Variants in FBXO25 observed in about 807,000 individuals in gnomAD.
The protein encoded by FBXO25 is F-box protein 25, also known as F-box only protein 25.
Under a neutral mutation model 51.9 loss-of-function variants are expected in FBXO25, and 45 were observed. The observed-to-expected ratio is 0.87, with a 90% CI of 0.68 to 1.11. The LOEUF is 1.11. Ranked by LOEUF, FBXO25 falls within the 50% of genes most tolerant of loss-of-function variation. FBXO25 has a pLI of 0.00. For missense variants in FBXO25, 507 were observed against 428.5 expected (o/e 1.18, Z -1.62); for synonymous variants, 199 against 151.0 (o/e 1.32, Z -2.33).
intron 8 of FBXO25, among the ~76,000 whole-genome samples, chr8:460,396 A>G (rs1799732624): frequency 6.6e-6 from 1 of 152,226 alleles, no homozygotes; most frequent in South Asian, 2.1e-4. Context: ...TCATAAAAAC[A>G]CAGCATCAGA....
At chr8:446,600 G>C (rs1160255265) in intron 5 of FBXO25, among the ~76,000 whole-genome samples, 1 of 152,134 alleles carries the variant, frequency 6.6e-6, no homozygotes, top group African/African-American at 2.4e-5. Flanking sequence ...CAGGGAAAAG[G>C]GGTGCTATTC....
chr8:451,459 A>C lies in FBXO25; in HGVS notation c.660+6A>C. 6.2e-7 allele frequency: 1 copy of C among 1,612,268 alleles called. No individual in the cohort carries two copies. ...AGGATCTTCAGATGACTAAGGTATAAATATCTCGGCATAAGAGTTATTACA... is the reference window on the plus strand; with the variant it reads ...AGGATCTTCAGATGACTAAGGTATACATATCTCGGCATAAGAGTTATTACA... On this transcript the variant is annotated splice_donor_region_variant and intron_variant, in intron 7 of 9. Transcript: ENST00000350302.
intron 9 of FBXO25, among the ~76,000 whole-genome samples, chr8:465,001 A>T (rs1800059944): frequency 6.6e-6 from 1 of 152,170 alleles, no homozygotes; most frequent in African/African-American, 2.4e-5. Flanking sequence ...CATCAGTAAG[A>T]TTATGGATAT....
At position 472,167 on chromosome 8, in the gene FBXO25, G is replaced by A. The variant is rs1185450809; in HGVS notation, c.*3363G>A. On this transcript the variant is annotated 3_prime_UTR_variant, in exon 10 of 10. Transcript: ENST00000350302. ...TCCTCATCTTAGGGGAAAGCTTTCA[G>A]TCTCACCATTAACTATGATGTTAAC... 6.6e-6 allele frequency: 1 copy of A among 152,174 alleles called. No individual in the cohort carries two copies. The highest frequency in any genetic ancestry group is 1.5e-5 in the Non-Finnish European group (1 of 68,042). The allele number at this position is 152,174 out of a possible 1,614,324, so 9.4% of individuals were successfully genotyped here.
intron 2 of FBXO25, among the ~76,000 whole-genome samples, chr8:427,744 T>C (rs1797581700): frequency 6.6e-6 from 1 of 150,418 alleles, no homozygotes; most frequent in South Asian, 2.1e-4. Context: ...CAAATATTGG[T>C]CATTTTTCTT....
rs1800498792 is a variant in FBXO25, at chr8:471,935, A to T, written c.*3131A>T. On this transcript the variant is annotated 3_prime_UTR_variant, in exon 10 of 10. Coordinates refer to ENST00000350302, the MANE Select transcript of FBXO25 (RefSeq NM_183420.2). ...TTTTGCCTTAAGTGCTGCTTTTAGAACCAAACTGTCATATAAGATTTATCA... is the reference window on the plus strand; with the variant it reads ...TTTTGCCTTAAGTGCTGCTTTTAGATCCAAACTGTCATATAAGATTTATCA... 6.6e-6 allele frequency: 1 copy of T among 152,218 alleles called. No individual in the cohort carries two copies. The highest frequency in any genetic ancestry group is 3.2e-3 in the Middle Eastern group (1 of 316). The allele number at this position is 152,218 out of a possible 1,614,324, so 9.4% of individuals were successfully genotyped here. A position where few individuals can be genotyped will look rare whatever the true frequency, so the allele number is the denominator to read the frequency against.
At position 442,225 on chromosome 8, in the gene FBXO25, A is replaced by G. The variant is rs145712151; in HGVS notation, c.381+6518A>G. 8.0e-4 allele frequency among the ~76,000 whole-genome samples: 122 copies of G among 152,264 alleles called. 1 individual carries two copies. Among genetic ancestry groups the G allele is most frequent in the African/African-American group, 2.7e-3 (113 of 41,544 alleles). On this transcript the variant is annotated intron_variant, in intron 5 of 9. Coordinates refer to ENST00000350302, the MANE Select transcript of FBXO25 (RefSeq NM_183420.2). ...TAGGCACTTGTTATTCCTAAAATGA[A>G]TGAGTGACTGAGCATACAAACCAAC...
At chr8:407,350 C>A (rs565595341) in intron 1 of FBXO25, 3 of 955,760 alleles carry the variant, frequency 3.1e-6, no homozygotes, top group Non-Finnish European at 3.7e-6. Flanking sequence ...TTGCCGCGTG[C>A]GCGTCTGCTG....
chr8:464,210 C>T (rs1197339714), intron 9 of FBXO25, among the ~76,000 whole-genome samples: 1 of 152,196 alleles, frequency 6.6e-6, no homozygotes, highest in Admixed American at 6.5e-5. Context: ...TGTGCCCCAG[C>T]TTTCCAAAGT....
At chr8:445,443 C>T (rs1798678852) in intron 5 of FBXO25, among the ~76,000 whole-genome samples, 1 of 152,192 alleles carries the variant, frequency 6.6e-6, no homozygotes, top group African/African-American at 2.4e-5. Context: ...GGGTCCTTTT[C>T]ACTTTTTAAA....
chr8:424,566 C>T (rs1797354978), intron 2 of FBXO25, among the ~76,000 whole-genome samples: 1 of 152,160 alleles, frequency 6.6e-6, no homozygotes, highest in African/African-American at 2.4e-5. Context: ...GGTCTGGCTT[C>T]AGTCTTCTGT....
At chr8:413,821 G>C (rs563978862) in intron 2 of FBXO25, among the ~76,000 whole-genome samples, 1 of 152,344 alleles carries the variant, frequency 6.6e-6, no homozygotes, top group East Asian at 1.9e-4. Context: ...GTTGGCTAGA[G>C]CACTAGCGCA....
At chr8:445,702 C>T (rs1798697468) in intron 5 of FBXO25, among the ~76,000 whole-genome samples, 1 of 152,106 alleles carries the variant, frequency 6.6e-6, no homozygotes, top group African/African-American at 2.4e-5. Flanking sequence ...AAATACAGAA[C>T]TTAGCCAGGC....
In FBXO25 at chr8:468,704, C is replaced by A; in HGVS notation, c.988-11C>A. 6.2e-7 allele frequency: 1 copy of A among 1,612,534 alleles called. No homozygotes were observed. The highest frequency in any genetic ancestry group is 8.5e-7 in the Non-Finnish European group (1 of 1,179,208). On this transcript the variant is annotated splice_polypyrimidine_tract_variant and intron_variant, in intron 9 of 9. Coordinates refer to ENST00000350302, the MANE Select transcript of FBXO25 (RefSeq NM_183420.2). ...GGGGCCCCCTCCTAACCATCTCCCA[C>A]CTCCCCACAGGACTCAGGACACCCC...
At chr8:467,918 C>T (rs1800288524) in intron 9 of FBXO25, 1 of 1,470,642 alleles carries the variant, frequency 6.8e-7, no homozygotes, top group Admixed American at 2.5e-5. Context: ...AACACCTCAG[C>T]AAGGACGAGA....
chr8:456,172 G>T (rs1428327637), intron 7 of FBXO25, among the ~76,000 whole-genome samples: 11 of 152,212 alleles, frequency 7.2e-5, no homozygotes, highest in Admixed American at 7.2e-4. Context: ...TAGACTTTTA[G>T]TTAGGGGTTA....
intron 2 of FBXO25, among the ~76,000 whole-genome samples, chr8:415,650 A>T (rs1017016785): frequency 2.6e-5 from 4 of 152,146 alleles, no homozygotes; most frequent in Admixed American, 2.6e-4. Flanking sequence ...AGAGTGAGTC[A>T]CATATTGATT....
At chr8:427,274 A>C (rs866445500) in intron 2 of FBXO25, among the ~76,000 whole-genome samples, 2,183 of 149,690 alleles carry the variant, frequency 0.015, 4 homozygotes, top group Non-Finnish European at 0.017. Context: ...AAATTGATCG[A>C]AAGGAAATGT....
rs759599898 is a variant in FBXO25 at position 458,524 on chromosome 8, T to A, written c.816T>A (p.Leu272=). The change falls in exon 8 of 10, where the codon CTT becomes CTA. Residue 272 remains leucine (L), a synonymous_variant. Coordinates refer to ENST00000350302, the MANE Select transcript of FBXO25 (RefSeq NM_183420.2). ...AAGACAGACAGCTGTGGAAGAAGCTTTGTCAGTACCATTTTGCTGAAAAGC... is the reference window on the plus strand; with the variant it reads ...AAGACAGACAGCTGTGGAAGAAGCTATGTCAGTACCATTTTGCTGAAAAGC... ...LSEDRQLWKK[L]CQYHFAEKQF... 2 of 1,613,990 alleles carry A rather than the reference T, an allele frequency of 1.2e-6. No homozygotes were observed. The highest frequency in any genetic ancestry group is 2.7e-5 in the African/African-American group (2 of 74,936).
Sources: gnomAD v4.1 joint callset for allele counts (sites outside exome capture counted in the v4.1 genomes callset) on GRCh38, gnomAD v4.1.1 for gene constraint, MANE v1.5 for transcripts, NCBI Gene and HGNC (gene_info 2026-07-23, HGNC 2026-07-21) for gene names.